The following SEM1 variants were observed in gnomAD, a reference collection of about 807,000 sequenced individuals.
SEM1 encodes the protein SEM1 26S proteasome subunit.
Under a neutral mutation model 12.7 loss-of-function variants are expected in SEM1, and 3 were observed. That is an observed-to-expected ratio of 0.24 (90% CI 0.11 to 0.61). SEM1 has a LOEUF of 0.61. Ranked by LOEUF, SEM1 falls within the 20% of genes least tolerant of loss-of-function variation. SEM1 has a pLI of 0.88. For missense variants in SEM1, 59 were observed against 81.3 expected (o/e 0.73, Z 1.06); for synonymous variants, 30 against 27.8 (o/e 1.08, Z -0.25).
At chr7:96,500,833 C>T (rs901484607), upstream of SEM1, among the ~76,000 whole-genome samples, 9 of 152,166 alleles carry the variant, frequency 5.9e-5, no homozygotes, top group African/African-American at 2.2e-4. Flanking sequence ...TTCACTCCTT[C>T]CAGGTCCCTG....
chr7:96,504,744 T>C (rs1421862367), intron 3 of SEM1, among the ~76,000 whole-genome samples: 1 of 152,076 alleles, frequency 6.6e-6, no homozygotes, highest in Non-Finnish European at 1.5e-5. Context: ...GTTATTAAAG[T>C]GTTTTAATGG....
intron 2 of SEM1, among the ~76,000 whole-genome samples, chr7:96,568,343 G>A (rs140241287): frequency 2.1e-3 from 316 of 151,580 alleles, no homozygotes; most frequent in African/African-American, 7.1e-3. Flanking sequence ...AAATATTTTC[G>A]CTTTCTCCAT....
At chr7:96,670,629 C>G (rs149556888), downstream of SEM1, among the ~76,000 whole-genome samples, 267 of 152,302 alleles carry the variant, frequency 1.8e-3, no homozygotes, top group African/African-American at 6.2e-3. Context: ...TGACAGATCA[C>G]AGACCAAATT....
intron 2 of SEM1, among the ~76,000 whole-genome samples, chr7:96,517,147 G>T (rs952243116): frequency 2.0e-5 from 3 of 152,102 alleles, no homozygotes; most frequent in Non-Finnish European, 4.4e-5. Flanking sequence ...TGTAATGGTG[G>T]ATACATATCA....
intron 2 of SEM1, among the ~76,000 whole-genome samples, chr7:96,507,620 A>G (rs902695091): frequency 2.0e-5 from 3 of 152,112 alleles, no homozygotes; most frequent in Non-Finnish European, 2.9e-5. Context: ...GATGATGGCT[A>G]CTATCCCTAG....
At chr7:96,686,773 C>A (rs969552004), downstream of SEM1, among the ~76,000 whole-genome samples, 21 of 152,110 alleles carry the variant, frequency 1.4e-4, no homozygotes, top group South Asian at 2.1e-4. Flanking sequence ...GCAACAAAAG[C>A]CAAAATTGAC....
chr7:96,599,191 G>A (rs1563078069), intron 2 of SEM1, among the ~76,000 whole-genome samples: 1 of 152,062 alleles, frequency 6.6e-6, no homozygotes, highest in Non-Finnish European at 1.5e-5. Flanking sequence ...GAGTGCTAAA[G>A]CATAGCACTT....
In SEM1 at chr7:96,505,405, T is replaced by C. The variant is rs151271505; in HGVS notation, c.*60+1218A>G. 2.6e-3 allele frequency among the ~76,000 whole-genome samples: 394 copies of C among 152,174 alleles called. 2 individuals carry two copies. Among genetic ancestry groups the C allele is most frequent in the African/African-American group, 9.3e-3 (386 of 41,556 alleles). On this transcript the variant is annotated intron_variant and NMD_transcript_variant, in intron 3 of 3. Coordinates refer to the SEM1 transcript ENST00000466986. ...AGGTGTGAGCCACTGTGCCTGGCCT[T>C]ATAAGGAGTTATCTCTAATTGTGAG...
intron 2 of SEM1, among the ~76,000 whole-genome samples, chr7:96,555,867 G>A (rs1278338904): frequency 6.7e-6 from 1 of 148,996 alleles, no homozygotes; most frequent in Admixed American, 6.7e-5. Flanking sequence ...TATGAATCTG[G>A]GTGCTCCTGT....
exon 2 of SEM1, chr7:96,486,346 C>T: frequency 6.5e-7 from 1 of 1,536,988 alleles, no homozygotes; most frequent in Non-Finnish European, 8.7e-7. Flanking sequence ...TGGGTCTCCT[C>T]CCCCTTTTTA....
chr7:96,508,612 G>A (rs1353290138), intron 2 of SEM1, among the ~76,000 whole-genome samples: 1 of 152,100 alleles, frequency 6.6e-6, no homozygotes, highest in Non-Finnish European at 1.5e-5. Context: ...ATTCAAATAT[G>A]CATCTTGATC....
At chr7:96,694,641 A>C (rs768925340) in intron 2 of SEM1, among the ~76,000 whole-genome samples, 157 bp downstream of exon 2, 12 of 152,038 alleles carry the variant, frequency 7.9e-5, no homozygotes, top group Non-Finnish European at 1.6e-4. Flanking sequence ...CATGTTTAGA[A>C]TCACAGGAGA....
intron 2 of SEM1, among the ~76,000 whole-genome samples, chr7:96,547,785 C>T (rs867267413): frequency 3.3e-5 from 5 of 152,016 alleles, no homozygotes; most frequent in Admixed American, 1.3e-4. Context: ...GCACTGGGCC[C>T]GGATCTTCCC....
At chr7:96,667,373 G>A (rs1789198349) in intron 2 of SEM1, among the ~76,000 whole-genome samples, 1 of 152,132 alleles carries the variant, frequency 6.6e-6, no homozygotes, top group African/African-American at 2.4e-5. Context: ...AAGCAAGTTA[G>A]CTGCCCTTGT....
chr7:96,639,944 G>A (rs576385520), intron 2 of SEM1, among the ~76,000 whole-genome samples: 1 of 151,912 alleles, frequency 6.6e-6, no homozygotes, highest in South Asian at 2.1e-4. Flanking sequence ...ATATACAGTG[G>A]GAAATAAGCA....
At chr7:96,585,354 C>CCA (rs1806583987) in intron 2 of SEM1, among the ~76,000 whole-genome samples, 1 of 152,222 alleles carries the variant, frequency 6.6e-6, no homozygotes, top group African/African-American at 2.4e-5. Flanking sequence ...GCTGGGAGAA[C>CCA]CACTGCTCTC....
chr7:96,611,227 C>T (rs2116236694), intron 2 of SEM1, among the ~76,000 whole-genome samples: 1 of 152,282 alleles, frequency 6.6e-6, no homozygotes, highest in East Asian at 1.9e-4. Flanking sequence ...ATCACTCTTT[C>T]AGAGATTCAC....
intron 2 of SEM1, among the ~76,000 whole-genome samples, chr7:96,575,344 G>C (rs1313532614): frequency 6.6e-6 from 1 of 152,186 alleles, no homozygotes; most frequent in Non-Finnish European, 1.5e-5. Context: ...TGGAGGCTTT[G>C]TCCCAGAGGG....
downstream of SEM1, among the ~76,000 whole-genome samples, chr7:96,687,791 T>A (rs1789806842): frequency 1.3e-5 from 2 of 150,830 alleles, no homozygotes; most frequent in South Asian, 2.1e-4. Context: ...AATAATAATT[T>A]AAAAAAAAAG....
Sources: gnomAD v4.1 joint callset for allele counts (sites outside exome capture counted in the v4.1 genomes callset) on GRCh38, gnomAD v4.1.1 for gene constraint, MANE v1.5 for transcripts, NCBI Gene and HGNC (gene_info 2026-07-23, HGNC 2026-07-21) for gene names.